The following DMAC1 variants were observed in gnomAD, a reference collection of about 807,000 sequenced individuals.
DMAC1 encodes distal membrane arm assembly component 1.
Under a neutral mutation model 7.0 loss-of-function variants are expected in DMAC1, and 10 were observed. The observed-to-expected ratio is 1.43, with a 90% CI of 0.88 to 2.43. The LOEUF is 2.43. Among genes scored for constraint, DMAC1 ranks in the 30% most tolerant of loss-of-function variants. The pLI is 0.00. For synonymous variants in DMAC1, 92 were observed against 66.2 expected, an observed-to-expected ratio of 1.39 and a Z score of -1.90; for missense variants, 219 against 158.7, an observed-to-expected ratio of 1.38 and a Z score of -2.04.
chr9:7,798,589 G>C lies in DMAC1; in HGVS notation c.323C>G (p.Ala108Gly). The change falls in exon 2 of 2, where the codon GCC becomes GGC. Residue 108 changes from alanine (A) to glycine (G), a missense_variant. Ala to Gly is a moderately conservative substitution (Grantham distance 60). Transcript: ENST00000358227. ...IVVMADPKGK[A>G]YRVV ...GTGGTACTTTCAAACAACGCGGTAG[G>C]CCTTCCCTTTGGGGTCTGCCATGAC... The C allele has an allele frequency of 6.2e-7, 1 of 1,612,276 alleles. No homozygotes were observed. Among genetic ancestry groups the C allele is most frequent in the African/African-American group, 1.3e-5 (1 of 75,020 alleles).
At position 7,798,608 on chromosome 9, in the gene DMAC1, C is replaced by G. The variant is rs759052115; in HGVS notation, c.304G>C (p.Ala102Pro). The G allele has an allele frequency of 2.5e-6, 4 of 1,600,380 alleles. No homozygotes were observed. The East Asian group carries it at 9.0e-5, about 36-fold the overall frequency. The part of the protein sequence containing the change: ...SIATWGIVVM[A>P]DPKGKAYRVV ...CGGTAGGCCTTCCCTTTGGGGTCTG[C>G]CATGACAACGATACCCCAGGTGGCA... Residue 102 changes from alanine (A) to proline (P), a missense_variant, in exon 2 of 2, where the codon GCA becomes CCA. Transcript: ENST00000358227.
At position 7,798,424 on chromosome 9, in the gene DMAC1, A is replaced by C; in HGVS notation, c.*149T>G. 1 of 868,486 alleles carries C rather than the reference A, an allele frequency of 1.2e-6. No individual in the cohort carries two copies. The highest frequency in any genetic ancestry group is 1.9e-5 in the Admixed American group (1 of 51,328). The allele number at this position is 868,486 out of a possible 1,614,324, so 53.8% of individuals were successfully genotyped here. On this transcript the variant is annotated 3_prime_UTR_variant, in exon 2 of 2. Transcript: ENST00000358227. ...CTCCATAGCCAGAGAATGACAACATACGATTTTCTTCTCAGTCTTGTAGTA... is the reference window on the plus strand; with the variant it reads ...CTCCATAGCCAGAGAATGACAACATCCGATTTTCTTCTCAGTCTTGTAGTA...
In DMAC1 at chr9:7,798,116, AAAATAATGAAGT is replaced by A. The variant is rs1818652257; in HGVS notation, c.*445_*456del. On this transcript the variant is annotated 3_prime_UTR_variant, in exon 2 of 2. Transcript: ENST00000358227. Reference sequence around the variant, plus strand: ...ATGAAAGAAATAAAAAGAACTCTTTAAAATAATGAAGTAAAATAGCTAATTTTCCCGTTGGTT... The same window carrying A: ...ATGAAAGAAATAAAAAGAACTCTTTAAAAATAGCTAATTTTCCCGTTGGTT... 6.6e-6 allele frequency: 1 copy of A among 152,624 alleles called. No homozygotes were observed. The highest frequency in any genetic ancestry group is 1.5e-5 in the Non-Finnish European group (1 of 68,388). 9.5% of individuals were successfully genotyped at this position (152,624 alleles called of 1,614,324 possible).
At position 7,798,365 on chromosome 9, in the gene DMAC1, T is replaced by C. The variant is rs998074264; in HGVS notation, c.*208A>G. 2 of 550,342 alleles carry C rather than the reference T, an allele frequency of 3.6e-6. No homozygotes were observed. 34.1% of individuals were successfully genotyped at this position (550,342 alleles called of 1,614,324 possible). A position where few individuals can be genotyped will look rare whatever the true frequency, so the allele number is the denominator to read the frequency against. On this transcript the variant is annotated 3_prime_UTR_variant, in exon 2 of 2. Coordinates refer to ENST00000358227, the MANE Select transcript of DMAC1 (RefSeq NM_033428.3). ...CCTGTTTACTTCTCTGAGGGATTTATTGGTTCCTGTGAAATCTGTGAAGGC... is the reference window on the plus strand; with the variant it reads ...CCTGTTTACTTCTCTGAGGGATTTACTGGTTCCTGTGAAATCTGTGAAGGC...
intron 1 of DMAC1, 136 bp downstream of exon 1, chr9:7,799,325 C>A: frequency 8.4e-7 from 1 of 1,197,192 alleles, no homozygotes; most frequent in Non-Finnish European, 1.2e-6. Flanking sequence ...CCTCTCCCAC[C>A]TTGTTTGAGG....
Position 7,798,406 on chromosome 9 carries a change from G to C in DMAC1, c.*167C>G, listed in dbSNP as rs751944970. ...CTGTGAAGGCCACAAACACTCCATA[G>C]CCAGAGAATGACAACATACGATTTT... On this transcript the variant is annotated 3_prime_UTR_variant, in exon 2 of 2. Transcript: ENST00000358227. 2 of 749,326 alleles carry C rather than the reference G, an allele frequency of 2.7e-6. No homozygotes were observed. The highest frequency in any genetic ancestry group is 1.6e-5 in the South Asian group (1 of 62,654). 46.4% of individuals were successfully genotyped at this position (749,326 alleles called of 1,614,324 possible). A position where few individuals can be genotyped will look rare whatever the true frequency, so the allele number is the denominator to read the frequency against.
rs1231659408 is a variant in DMAC1 at position 7,798,297 on chromosome 9, T to A, written c.*276A>T. ...ATAATGCTTAATTAAGCAATTATATTTAAATATAAGTTATACTTTCCTTCC... is the reference window on the plus strand; with the variant it reads ...ATAATGCTTAATTAAGCAATTATATATAAATATAAGTTATACTTTCCTTCC... On this transcript the variant is annotated 3_prime_UTR_variant, in exon 2 of 2. Transcript: ENST00000358227. 3 of 354,966 alleles carry A rather than the reference T, an allele frequency of 8.5e-6. No individual in the cohort carries two copies. Among genetic ancestry groups the A allele is most frequent in the Non-Finnish European group, 1.5e-5 (3 of 194,448 alleles). 22.0% of individuals were successfully genotyped at this position (354,966 alleles called of 1,614,324 possible). A position where few individuals can be genotyped will look rare whatever the true frequency, so the allele number is the denominator to read the frequency against.
At position 7,798,618 on chromosome 9, in the gene DMAC1, G is replaced by C. The variant is rs751442603; in HGVS notation, c.294C>G (p.Ile98Met). 1.3e-6 allele frequency: 2 copies of C among 1,590,924 alleles called. No individual in the cohort carries two copies. The highest frequency in any genetic ancestry group is 1.7e-4 in the Middle Eastern group (1 of 5,972). ...VIGLSIATWG[I>M]VVMADPKGKA... ...TCCCTTTGGGGTCTGCCATGACAAC[G>C]ATACCCCAGGTGGCAATGCCTAGAA... Residue 98 changes from isoleucine to methionine, a missense_variant, in exon 2 of 2, where the codon ATC (isoleucine) becomes ATG (methionine). By Grantham distance (10) the Ile-to-Met change is conservative. Coordinates refer to ENST00000358227, the MANE Select transcript of DMAC1 (RefSeq NM_033428.3).
chr9:7,797,303 A>T lies in DMAC1; in HGVS notation c.*1270T>A, dbSNP rs1818627124. 1 of 152,218 alleles carries T rather than the reference A, an allele frequency of 6.6e-6. No homozygotes were observed. The highest frequency in any genetic ancestry group is 2.4e-5 in the African/African-American group (1 of 41,448). The allele number at this position is 152,218 out of a possible 1,614,324, so 9.4% of individuals were successfully genotyped here. ...TATCTTGTTGCGTACTTTAGGTTTG[A>T]AATGTTTTCTTTTTCAGTTGCATAG... On this transcript the variant is annotated 3_prime_UTR_variant, in exon 2 of 2. Coordinates refer to ENST00000358227, the MANE Select transcript of DMAC1 (RefSeq NM_033428.3).
Position 7,799,637 on chromosome 9 carries a change from C to G in DMAC1, c.98G>C (p.Gly33Ala), listed in dbSNP as rs770841963. 9 of 1,612,654 alleles carry G rather than the reference C, an allele frequency of 5.6e-6. No individual in the cohort carries two copies. In the South Asian group the frequency reaches 7.7e-5, roughly 14 times the overall value. The part of the protein sequence containing the change: ...PAKPAPPATP[G>A]APTSPAEHRL... ...GTGTTCTGCTGGGGAGGTCGGCGCTCCGGGTGTAGCTGGGGGCGCAGGTTT... is the reference window on the plus strand; with the variant it reads ...GTGTTCTGCTGGGGAGGTCGGCGCTGCGGGTGTAGCTGGGGGCGCAGGTTT... Residue 33 changes from glycine (G) to alanine (A), a missense_variant, in exon 1 of 2, where the codon GGA becomes GCA. Coordinates refer to ENST00000358227, the MANE Select transcript of DMAC1 (RefSeq NM_033428.3).
Position 7,799,750 on chromosome 9 carries a change from C to G in DMAC1, c.-16G>C. ...GAGACCCCATGCTCTGGAACTCGGCCTCAACCTTGGGCGTCTTTGGTTCAA... is the reference window on the plus strand; with the variant it reads ...GAGACCCCATGCTCTGGAACTCGGCGTCAACCTTGGGCGTCTTTGGTTCAA... On this transcript the variant is annotated 5_prime_UTR_variant, in exon 1 of 2. Coordinates refer to ENST00000358227, the MANE Select transcript of DMAC1 (RefSeq NM_033428.3). The G allele has an allele frequency of 6.6e-7, 1 of 1,508,252 alleles. No homozygotes were observed. Among genetic ancestry groups the G allele is most frequent in the Non-Finnish European group, 8.8e-7 (1 of 1,133,828 alleles). The allele number at this position is 1,508,252 out of a possible 1,614,324, so 93.4% of individuals were successfully genotyped here.
chr9:7,799,356 C>T, intron 1 of DMAC1, 105 bp downstream of exon 1: 1 of 1,371,100 alleles, frequency 7.3e-7, no homozygotes, highest in South Asian at 1.3e-5. Context: ...ACCTGACCAG[C>T]GGCAGCACCC....
At chr9:7,798,709 T>C in intron 1 of DMAC1, 72 bp from the exon 2 acceptor site, 4 of 1,302,896 alleles carry the variant, frequency 3.1e-6, no homozygotes, top group Non-Finnish European at 4.2e-6. Flanking sequence ...ATATACGCCA[T>C]CTTATTTAAC....
chr9:7,798,587 A>G lies in DMAC1; in HGVS notation c.325T>C (p.Tyr109His), dbSNP rs142020012. Residue 109 changes from tyrosine (Y) to histidine (H), a missense_variant, in exon 2 of 2, where the codon TAC (tyrosine) becomes CAC (histidine). By Grantham distance (83) the Tyr-to-His change is moderately conservative. Coordinates refer to ENST00000358227, the MANE Select transcript of DMAC1 (RefSeq NM_033428.3). ...TGGTGGTACTTTCAAACAACGCGGTAGGCCTTCCCTTTGGGGTCTGCCATG... is the reference window on the plus strand; with the variant it reads ...TGGTGGTACTTTCAAACAACGCGGTGGGCCTTCCCTTTGGGGTCTGCCATG... ...VVMADPKGKA[Y>H]RVV 2.0e-5 allele frequency: 33 copies of G among 1,612,540 alleles called. No homozygotes were observed. The African/African-American group carries it at 4.3e-4, about 21-fold the overall frequency.
chr9:7,799,106 G>A (rs1280716452), intron 1 of DMAC1, among the ~76,000 whole-genome samples: 2 of 151,956 alleles, frequency 1.3e-5, no homozygotes, highest in Non-Finnish European at 2.9e-5. Context: ...TGGGCTTTGA[G>A]ATCTGATATA....
chr9:7,798,605 C>G lies in DMAC1; in HGVS notation c.307G>C (p.Asp103His). ...IATWGIVVMADPKGKAYRVV is the reference protein window; with the variant it reads ...IATWGIVVMAHPKGKAYRVV Reference sequence around the variant, plus strand: ...ACGCGGTAGGCCTTCCCTTTGGGGTCTGCCATGACAACGATACCCCAGGTG... The same window carrying G: ...ACGCGGTAGGCCTTCCCTTTGGGGTGTGCCATGACAACGATACCCCAGGTG... The change falls in exon 2 of 2, where the codon GAC (aspartate) becomes CAC (histidine). Residue 103 changes from aspartate to histidine, a missense_variant. Physicochemically the swap from Asp to His is moderately conservative, Grantham distance 81. Coordinates refer to ENST00000358227, the MANE Select transcript of DMAC1 (RefSeq NM_033428.3). 4.4e-6 allele frequency: 7 copies of G among 1,604,648 alleles called. No individual in the cohort carries two copies. Among genetic ancestry groups the G allele is most frequent in the Non-Finnish European group, 6.0e-6 (7 of 1,173,388 alleles).
At chr9:7,798,674 C>T (rs775186432) in intron 1 of DMAC1, 37 bp from the exon 2 acceptor site, 1 of 1,479,558 alleles carries the variant, frequency 6.8e-7, no homozygotes. Flanking sequence ...CTTTATGCTG[C>T]ATTTAAATTT....
chr9:7,799,513 C>A lies in DMAC1; in HGVS notation c.222G>T (p.Lys74Asn). 6.2e-7 allele frequency: 1 copy of A among 1,613,588 alleles called. No homozygotes were observed. The highest frequency in any genetic ancestry group is 2.2e-5 in the East Asian group (1 of 44,856). ...YVYWVARKPM[K>N]MGYPPSPWTI... ...TCCATGGACTCGGGGGGTATCCCATCTTCATGGGCTTCCGTGCCACCCAGT... is the reference window on the plus strand; with the variant it reads ...TCCATGGACTCGGGGGGTATCCCATATTCATGGGCTTCCGTGCCACCCAGT... Residue 74 changes from lysine to asparagine, a missense_variant, in exon 1 of 2, where the codon AAG becomes AAT. Lys to Asn is a moderately conservative substitution (Grantham distance 94, BLOSUM62 0). Coordinates refer to ENST00000358227, the MANE Select transcript of DMAC1 (RefSeq NM_033428.3).
chr9:7,797,284 G>T lies in DMAC1; in HGVS notation c.*1289C>A, dbSNP rs538989995. 32 of 152,238 alleles carry T rather than the reference G, an allele frequency of 2.1e-4. No individual in the cohort carries two copies. The highest frequency in any genetic ancestry group is 3.4e-3 in the Middle Eastern group (1 of 294). The allele number at this position is 152,238 out of a possible 1,614,324, so 9.4% of individuals were successfully genotyped here. On this transcript the variant is annotated 3_prime_UTR_variant, in exon 2 of 2. Coordinates refer to ENST00000358227, the MANE Select transcript of DMAC1 (RefSeq NM_033428.3). Reference sequence around the variant, plus strand: ...ATGGATTTCATATAAATAATATCTTGTTGCGTACTTTAGGTTTGAAATGTT... The same window carrying T: ...ATGGATTTCATATAAATAATATCTTTTTGCGTACTTTAGGTTTGAAATGTT...
Sources: gnomAD v4.1 joint callset for allele counts (sites outside exome capture counted in the v4.1 genomes callset) on GRCh38, gnomAD v4.1.1 for gene constraint, MANE v1.5 for transcripts, NCBI Gene and HGNC (gene_info 2026-07-23, HGNC 2026-07-21) for gene names.